TMOD3: variants seen among roughly 807,000 people sequenced by gnomAD.
TMOD3 encodes tropomodulin-3.
TMOD3 carries 20 observed loss-of-function variants against 39.2 expected under a neutral mutation model. The observed-to-expected ratio is 0.51, with a 90% CI of 0.36 to 0.74. TMOD3 has a LOEUF of 0.74. TMOD3 is among the 30% of genes least tolerant of loss of function. The pLI, the probability that TMOD3 is intolerant of heterozygous loss-of-function variation, is 0.00. For missense variants in TMOD3, 381 were observed against 412.8 expected, an observed-to-expected ratio of 0.92 and a Z score of 0.67; for synonymous variants, 143 against 145.8, an observed-to-expected ratio of 0.98 and a Z score of 0.14.
At chr15:51,884,005 C>A (rs770458056) in intron 3 of TMOD3, among the ~76,000 whole-genome samples, 1 of 152,090 alleles carries the variant, frequency 6.6e-6, no homozygotes, top group Admixed American at 6.5e-5. Flanking sequence ...GATTAATCAC[C>A]AGAATTCCAA....
intron 2 of TMOD3, among the ~76,000 whole-genome samples, chr15:51,867,445 T>C (rs2056452567): frequency 6.6e-6 from 1 of 152,158 alleles, no homozygotes; most frequent in Non-Finnish European, 1.5e-5. Flanking sequence ...TGGTACAAAG[T>C]TAGGAATGTT....
intron 1 of TMOD3, chr15:51,858,218 A>ATT (rs2056397991): frequency 6.6e-6 from 1 of 151,824 alleles, no homozygotes; most frequent in East Asian, 1.9e-4. Context: ...ATGCCCAGCT[A>ATT]TTTTTTTAAA....
At chr15:51,891,570 C>G (rs1005952986) in intron 5 of TMOD3, among the ~76,000 whole-genome samples, 1 of 152,102 alleles carries the variant, frequency 6.6e-6, no homozygotes, top group Non-Finnish European at 1.5e-5. Flanking sequence ...TCCCATGAAC[C>G]TTTTGCTTAA....
At chr15:51,863,673 C>T (rs1413531622) in intron 2 of TMOD3, among the ~76,000 whole-genome samples, 1 of 152,172 alleles carries the variant, frequency 6.6e-6, no homozygotes, top group Non-Finnish European at 1.5e-5. Flanking sequence ...GCCTGAAGGT[C>T]GTGAAGGTAA....
chr15:51,874,229 C>T (rs1194645191), intron 3 of TMOD3, among the ~76,000 whole-genome samples: 3 of 152,046 alleles, frequency 2.0e-5, no homozygotes, highest in Non-Finnish European at 4.4e-5. Flanking sequence ...AGACTGAGGA[C>T]ACTTAAGAGT....
intron 9 of TMOD3, 52 bp downstream of exon 9, chr15:51,902,088 T>C: frequency 6.3e-7 from 1 of 1,587,002 alleles, no homozygotes; most frequent in Non-Finnish European, 8.6e-7. Context: ...GCTAACGTAT[T>C]GGGGGAACTT....
chr15:51,840,306 G>T (rs1025795551), intron 1 of TMOD3, among the ~76,000 whole-genome samples: 1 of 152,174 alleles, frequency 6.6e-6, no homozygotes, highest in African/African-American at 2.4e-5. Flanking sequence ...ATGTGGATCA[G>T]AGTATAGTAT....
intron 1 of TMOD3, among the ~76,000 whole-genome samples, chr15:51,839,418 G>A (rs1219164105): frequency 1.3e-5 from 2 of 152,034 alleles, no homozygotes; most frequent in African/African-American, 4.8e-5. Flanking sequence ...CAGTCCTCCT[G>A]CCTTGGCCTC....
In TMOD3 at chr15:51,862,900, C is replaced by T. The variant is rs764186145; in HGVS notation, c.16C>T (p.Arg6Cys). Residue 6 changes from arginine to cysteine, a missense_variant, in exon 2 of 10, where the codon CGT becomes TGT. By Grantham distance (180) the Arg-to-Cys change is radical. Coordinates refer to ENST00000308580, the MANE Select transcript of TMOD3 (RefSeq NM_014547.5). ...CCTGCACATCATGGCACTGCCATTC[C>T]GTAAGGACTTAGAAAAGTACAAAGA... Reference protein sequence around the residue: MALPFRKDLEKYKDLD... With the variant: MALPFCKDLEKYKDLD... The T allele has an allele frequency of 1.2e-5, 20 of 1,613,400 alleles. No individual in the cohort carries two copies. The highest frequency in any genetic ancestry group is 1.6e-4 in the Middle Eastern group (1 of 6,084).
At chr15:51,878,975 A>G (rs1288747736) in intron 3 of TMOD3, among the ~76,000 whole-genome samples, 1 of 152,216 alleles carries the variant, frequency 6.6e-6, no homozygotes, top group Admixed American at 6.5e-5. Context: ...TATGACTAAG[A>G]TAATTCTTAA....
intron 2 of TMOD3, 113 bp from the exon 3 acceptor site, chr15:51,869,104 T>G: frequency 8.8e-7 from 1 of 1,142,236 alleles, no homozygotes; most frequent in Non-Finnish European, 1.2e-6. Flanking sequence ...ATGAAGTGTT[T>G]AGTGCCTGTA....
In TMOD3 at chr15:51,889,109, G is replaced by A; in HGVS notation, c.460G>A (p.Gly154Arg). The A allele has an allele frequency of 1.2e-6, 2 of 1,600,152 alleles. No individual in the cohort carries two copies. Among genetic ancestry groups the A allele is most frequent in the African/African-American group, 1.4e-5 (1 of 74,042 alleles). The stretch of plus-strand genomic sequence containing the variant: ...GAATACAAAGTTCTGTAATATAATG[G>A]GAAGTAGTAATGGTGTTGACCAAGA... Reference protein sequence around the residue: ...ITNTKFCNIMGSSNGVDQEHF... With the variant: ...ITNTKFCNIMRSSNGVDQEHF... Residue 154 changes from glycine (G) to arginine (R), a missense_variant, in exon 5 of 10, where the codon GGA (glycine) becomes AGA (arginine). By Grantham distance (125) the Gly-to-Arg change is moderately radical. Transcript: ENST00000308580.
chr15:51,895,837 A>T (rs953191381), intron 6 of TMOD3, among the ~76,000 whole-genome samples: 6 of 152,154 alleles, frequency 3.9e-5, no homozygotes, highest in African/African-American at 1.4e-4. Flanking sequence ...GGCTGGGTGC[A>T]GTGACTCATG....
At position 51,901,936 on chromosome 15, in the gene TMOD3, G is replaced by A; in HGVS notation, c.924G>A (p.Met308Ile). The change falls in exon 9 of 10, where the codon ATG (methionine) becomes ATA (isoleucine). Residue 308 changes from methionine to isoleucine, a missense_variant. Physicochemically the swap from Met to Ile is conservative, Grantham distance 10 (BLOSUM62 1). Coordinates refer to ENST00000308580, the MANE Select transcript of TMOD3 (RefSeq NM_014547.5). ...CTGTAGAATTGGAAATGGCCAAGAT[G>A]CTTGAGGAAAATACAAATATCCTTA... ...GTAVELEMAK[M>I]LEENTNILKF... The A allele has an allele frequency of 6.2e-7, 1 of 1,614,104 alleles. No homozygotes were observed. Among genetic ancestry groups the A allele is most frequent in the Non-Finnish European group, 8.5e-7 (1 of 1,180,008 alleles).
intron 5 of TMOD3, among the ~76,000 whole-genome samples, chr15:51,890,999 A>G (rs550276098): frequency 6.6e-6 from 1 of 152,258 alleles, no homozygotes; most frequent in South Asian, 2.1e-4. Flanking sequence ...ACCTATAAAT[A>G]TTTCCATATG....
chr15:51,892,921 G>T (rs2056601048), intron 5 of TMOD3, among the ~76,000 whole-genome samples: 1 of 152,132 alleles, frequency 6.6e-6, no homozygotes, highest in Non-Finnish European at 1.5e-5. Context: ...ATTCATTTTT[G>T]AAGACTGATA....
chr15:51,835,547 A>G (rs974422887), intron 1 of TMOD3, among the ~76,000 whole-genome samples: 1 of 152,164 alleles, frequency 6.6e-6, no homozygotes, highest in East Asian at 1.9e-4. Flanking sequence ...GAGCTCAAGC[A>G]AACTGCTCAC....
intron 3 of TMOD3, among the ~76,000 whole-genome samples, chr15:51,885,497 C>T (rs184241656): frequency 1.3e-5 from 2 of 152,212 alleles, no homozygotes; most frequent in South Asian, 2.1e-4. Flanking sequence ...TGACTCTCAA[C>T]GAGCATGCTG....
intron 1 of TMOD3, among the ~76,000 whole-genome samples, chr15:51,856,939 C>G (rs1224540775): frequency 7.2e-5 from 11 of 152,146 alleles, no homozygotes; most frequent in Non-Finnish European, 1.5e-4. Context: ...CAGAGAAACT[C>G]TCTCACGCAT....
Sources: allele counts gnomAD v4.1 joint callset (sites outside exome capture counted in the v4.1 genomes callset), GRCh38; gene constraint gnomAD v4.1.1; transcripts MANE v1.5; gene names NCBI Gene and HGNC (gene_info 2026-07-23, HGNC 2026-07-21).